ATF7IP: variants seen among roughly 807,000 people sequenced by gnomAD.
ATF7IP encodes activating transcription factor 7 interacting protein.
Under a neutral mutation model 106.4 loss-of-function variants are expected in ATF7IP, and 23 were observed. The observed-to-expected ratio is 0.22, with a 90% CI of 0.16 to 0.31. The LOEUF is 0.31. ATF7IP is among the 10% of genes least tolerant of loss of function. The pLI, the probability that ATF7IP is intolerant of heterozygous loss-of-function variation, is 1.00. For missense variants in ATF7IP, 1,334 were observed against 1,524.3 expected (o/e 0.88, Z 2.08); for synonymous variants, 542 against 539.0 (o/e 1.01, Z -0.08).
rs1943623714 is a variant in ATF7IP, at chr12:14,461,120, C to T, written c.2784C>T (p.Thr928=). Residue 928 remains threonine, a synonymous_variant, in exon 9 of 15, where the codon ACC becomes ACT. Coordinates refer to ENST00000261168, the MANE Select transcript of ATF7IP (RefSeq NM_018179.5). ...CTGCTGCAGAACAGAACAGCAATAC[C>T]ACCCCAAGAATTGGTAAGTCACCAT... ...TSSAAEQNSN[T]TPRIENQTNK... 1 of 1,611,438 alleles carries T rather than the reference C, an allele frequency of 6.2e-7. No individual in the cohort carries two copies. The highest frequency in any genetic ancestry group is 1.3e-5 in the African/African-American group (1 of 74,944).
At chr12:14,449,433 A>G (rs1245589278) in intron 6 of ATF7IP, among the ~76,000 whole-genome samples, 1 of 152,082 alleles carries the variant, frequency 6.6e-6, no homozygotes, top group Non-Finnish European at 1.5e-5. Context: ...AGTTTTGTTG[A>G]AGATCATTTG....
intron 6 of ATF7IP, among the ~76,000 whole-genome samples, chr12:14,450,754 G>A (rs1043249290): frequency 6.6e-6 from 1 of 151,972 alleles, no homozygotes; most frequent in Admixed American, 6.6e-5. Flanking sequence ...AAGCCATCTG[G>A]TCTTAGGTTT....
intron 13 of ATF7IP, among the ~76,000 whole-genome samples, chr12:14,489,372 T>C (rs7294525): frequency 0.02 from 3,060 of 152,246 alleles, 102 homozygotes; most frequent in African/African-American, 0.07. Flanking sequence ...GTGGCAATCT[T>C]AAGTTCCAGT....
chr12:14,459,947 A>G (rs977406020), intron 8 of ATF7IP, among the ~76,000 whole-genome samples: 3 of 152,208 alleles, frequency 2.0e-5, no homozygotes, highest in Non-Finnish European at 2.9e-5. Flanking sequence ...AGTAGAGGGA[A>G]TCTCCCCTCA....
At chr12:14,428,984 A>T (rs1359100278) in intron 2 of ATF7IP, among the ~76,000 whole-genome samples, 1 of 152,208 alleles carries the variant, frequency 6.6e-6, no homozygotes, top group Non-Finnish European at 1.5e-5. Context: ...ATAAAGATTT[A>T]TCTCTCTGGG....
intron 2 of ATF7IP, among the ~76,000 whole-genome samples, chr12:14,427,745 AC>A (rs1196547752): frequency 6.6e-6 from 1 of 151,720 alleles, no homozygotes; most frequent in Non-Finnish European, 1.5e-5. Flanking sequence ...TTTCTTTCAC[AC>A]CCCATAATTA....
intron 2 of ATF7IP, among the ~76,000 whole-genome samples, chr12:14,432,677 C>G (rs1442191293): frequency 6.6e-6 from 1 of 152,082 alleles, no homozygotes; most frequent in Non-Finnish European, 1.5e-5. Flanking sequence ...ATTTTTTTAA[C>G]CTTGACTTTT....
At chr12:14,396,515 C>T (rs1187089669) in intron 1 of ATF7IP, among the ~76,000 whole-genome samples, 2 of 151,666 alleles carry the variant, frequency 1.3e-5, no homozygotes, top group East Asian at 3.9e-4. Context: ...TAAACAATTT[C>T]CCTATGATTG....
rs1372684318 is a variant in ATF7IP, at chr12:14,502,664, T to A, written c.*4591T>A. The A allele has an allele frequency of 6.6e-6, 1 of 152,216 alleles. No homozygotes were observed. Among genetic ancestry groups the A allele is most frequent in the Non-Finnish European group, 1.5e-5 (1 of 68,040 alleles). 9.4% of individuals were successfully genotyped at this position (152,216 alleles called of 1,614,324 possible). ...AAAAATCCTTTGTAAGAAACTTGCA[T>A]CCTAATTTTTCTTTATTGCAATTGA... On this transcript the variant is annotated 3_prime_UTR_variant, in exon 15 of 15. Transcript: ENST00000261168.
intron 13 of ATF7IP, among the ~76,000 whole-genome samples, chr12:14,495,427 A>G (rs182518013): frequency 1.6e-4 from 24 of 152,308 alleles, no homozygotes; most frequent in African/African-American, 4.3e-4. Flanking sequence ...CTTGGCTTCA[A>G]CTCTCTCAAG....
chr12:14,428,703 A>G (rs2136575784), intron 2 of ATF7IP, among the ~76,000 whole-genome samples: 1 of 152,342 alleles, frequency 6.6e-6, no homozygotes, highest in East Asian at 1.9e-4. Context: ...AAAGGAAAAT[A>G]GCATAACCTT....
chr12:14,458,661 A>G (rs1943528748), intron 8 of ATF7IP, among the ~76,000 whole-genome samples: 1 of 152,100 alleles, frequency 6.6e-6, no homozygotes, highest in Non-Finnish European at 1.5e-5. Flanking sequence ...TCTCTCTACA[A>G]AAAATACAAA....
chr12:14,423,313 T>C (rs1019613893), intron 1 of ATF7IP, among the ~76,000 whole-genome samples: 1 of 152,070 alleles, frequency 6.6e-6, no homozygotes, highest in Non-Finnish European at 1.5e-5. Flanking sequence ...ATTCTAGATA[T>C]GAAATTCTAG....
intron 10 of ATF7IP, among the ~76,000 whole-genome samples, chr12:14,471,238 A>C (rs1944031882): frequency 6.6e-6 from 1 of 152,198 alleles, no homozygotes; most frequent in Non-Finnish European, 1.5e-5. Context: ...TTACACTTGA[A>C]AAGATTATGC....
At chr12:14,445,465 C>T (rs1358250784) in intron 5 of ATF7IP, among the ~76,000 whole-genome samples, 3 of 151,986 alleles carry the variant, frequency 2.0e-5, no homozygotes, top group Non-Finnish European at 4.4e-5. Context: ...GTTGGGATTA[C>T]AGGCATGAGC....
intron 1 of ATF7IP, among the ~76,000 whole-genome samples, chr12:14,382,284 A>C (rs1203933337): frequency 1.3e-5 from 2 of 152,254 alleles, no homozygotes; most frequent in African/African-American, 4.8e-5. Context: ...TTTACTGAAC[A>C]TTAGAAATTG....
At chr12:14,377,821 T>G (rs1321445864) in intron 1 of ATF7IP, among the ~76,000 whole-genome samples, 1 of 151,150 alleles carries the variant, frequency 6.6e-6, no homozygotes, top group Non-Finnish European at 1.5e-5. Flanking sequence ...ACCATGTTGG[T>G]CAGGCTGGTC....
chr12:14,490,988 G>C (rs1430620268), intron 13 of ATF7IP, among the ~76,000 whole-genome samples: 1 of 152,148 alleles, frequency 6.6e-6, no homozygotes, highest in African/African-American at 2.4e-5. Flanking sequence ...CAAAAGGAGA[G>C]TAGTTACCTG....
intron 10 of ATF7IP, among the ~76,000 whole-genome samples, chr12:14,467,586 A>G (rs1943881192): frequency 6.6e-6 from 1 of 152,152 alleles, no homozygotes; most frequent in South Asian, 2.1e-4. Flanking sequence ...ATGTTGATAT[A>G]TTCAGTGATA....
Sources: gnomAD v4.1 joint callset for allele counts (sites outside exome capture counted in the v4.1 genomes callset) on GRCh38, gnomAD v4.1.1 for gene constraint, MANE v1.5 for transcripts, NCBI Gene and HGNC (gene_info 2026-07-23, HGNC 2026-07-21) for gene names.